The following NEDD9 variants were observed in gnomAD, a reference collection of about 807,000 sequenced individuals.
NEDD9 encodes the protein enhancer of filamentation 1.
NEDD9 carries 26 observed loss-of-function variants against 76.6 expected under a neutral mutation model. The ratio of observed to expected loss-of-function variants is 0.34; its 90% confidence interval spans 0.25 to 0.47. The LOEUF (loss-of-function observed/expected upper bound fraction) is 0.47, where lower values mean the gene tolerates loss of function less well. Ranked by LOEUF, NEDD9 falls within the 20% of genes least tolerant of loss-of-function variation. The pLI, the probability that NEDD9 is intolerant of heterozygous loss-of-function variation, is 1.00. For missense variants in NEDD9, 937 were observed against 1,058.5 expected (o/e 0.89, Z 1.59); for synonymous variants, 392 against 414.2 (o/e 0.95, Z 0.65).
intron 1 of NEDD9, among the ~76,000 whole-genome samples, chr6:11,344,205 T>G (rs1266795118): frequency 6.6e-6 from 1 of 152,204 alleles, no homozygotes; most frequent in Non-Finnish European, 1.5e-5. Context: ...TAAGAATATG[T>G]GATAGACATA....
intron 1 of NEDD9, among the ~76,000 whole-genome samples, chr6:11,372,802 A>G (rs893052350): frequency 2.0e-5 from 3 of 152,176 alleles, no homozygotes; most frequent in Admixed American, 1.3e-4. Context: ...TTTCCTTTTG[A>G]GAAATAAGCC....
chr6:11,338,672 C>T (rs1762212838), intron 1 of NEDD9, among the ~76,000 whole-genome samples: 1 of 151,962 alleles, frequency 6.6e-6, no homozygotes, highest in Admixed American at 6.6e-5. Context: ...ACCTGTAATC[C>T]CAGCACTTTG....
At chr6:11,262,301 G>T (rs1326017851) in intron 3 of NEDD9, among the ~76,000 whole-genome samples, 2 of 152,130 alleles carry the variant, frequency 1.3e-5, no homozygotes, top group Admixed American at 6.5e-5. Flanking sequence ...TTACTTTCTC[G>T]GCAATGTGAA....
intron 3 of NEDD9, among the ~76,000 whole-genome samples, chr6:11,271,103 A>G (rs1293591917): frequency 6.6e-6 from 1 of 152,166 alleles, no homozygotes; most frequent in African/African-American, 2.4e-5. Flanking sequence ...GTGCTATCAT[A>G]GCTCACTCCA....
intron 2 of NEDD9, among the ~76,000 whole-genome samples, chr6:11,326,005 G>A (rs946531659): frequency 5.3e-5 from 8 of 152,136 alleles, no homozygotes; most frequent in African/African-American, 1.9e-4. Flanking sequence ...AATTAGACAG[G>A]TGTCGTGGCA....
intron 2 of NEDD9, among the ~76,000 whole-genome samples, chr6:11,327,728 T>A (rs1292598770): frequency 6.6e-6 from 1 of 152,204 alleles, no homozygotes; most frequent in East Asian, 1.9e-4. Flanking sequence ...AGGGCCTGTG[T>A]GAAGATGTTA....
chr6:11,193,008 A>G (rs532968834), intron 3 of NEDD9, among the ~76,000 whole-genome samples: 16 of 146,232 alleles, frequency 1.1e-4, no homozygotes, highest in African/African-American at 4.0e-4. Flanking sequence ...GTGTAGTTTA[A>G]ATTTTCTACT....
At chr6:11,319,799 C>T (rs1189576836) in intron 2 of NEDD9, among the ~76,000 whole-genome samples, 1 of 151,678 alleles carries the variant, frequency 6.6e-6, no homozygotes, top group Non-Finnish European at 1.5e-5. Context: ...TGCACACTCA[C>T]ACACTGGTGC....
intron 2 of NEDD9, chr6:11,200,980 T>C: frequency 6.2e-7 from 1 of 1,614,096 alleles, no homozygotes; most frequent in Non-Finnish European, 8.5e-7. Context: ...TCAGTGGAGG[T>C]TCACAAGCTG....
At chr6:11,206,599 G>T (rs1478902491) in intron 2 of NEDD9, among the ~76,000 whole-genome samples, 1 of 152,196 alleles carries the variant, frequency 6.6e-6, no homozygotes, top group Non-Finnish European at 1.5e-5. Flanking sequence ...ATTGAAAAAG[G>T]AGGGTTAACC....
At chr6:11,279,049 T>C (rs1252311685) in intron 3 of NEDD9, among the ~76,000 whole-genome samples, 2 of 152,184 alleles carry the variant, frequency 1.3e-5, no homozygotes, top group Non-Finnish European at 2.9e-5. Context: ...TCTGAGCCAG[T>C]TAAAAAATAG....
Position 11,369,125 on chromosome 6 carries a change from C to A in NEDD9, c.-214+13014G>T, listed in dbSNP as rs182387905. On this transcript the variant is annotated intron_variant, in intron 1 of 3. Coordinates refer to the NEDD9 transcript ENST00000397378. ...GGCAGTTGGTTCTCTCTTAAGCACT[C>A]CAACCTTCTTGAATCTGTCCATTTC... 1.3e-4 allele frequency among the ~76,000 whole-genome samples: 20 copies of A among 152,334 alleles called. No individual in the cohort carries two copies. The East Asian group carries it at 3.3e-3, about 25-fold the overall frequency.
intron 3 of NEDD9, among the ~76,000 whole-genome samples, chr6:11,305,571 T>A (rs976309622): frequency 1.2e-4 from 19 of 152,232 alleles, no homozygotes; most frequent in African/African-American, 4.6e-4. Context: ...TCTTGAGGAA[T>A]GGCCGAATGG....
chr6:11,305,972 T>G (rs565520123), intron 3 of NEDD9: 1 of 1,613,778 alleles, frequency 6.2e-7, no homozygotes, highest in South Asian at 1.1e-5. Flanking sequence ...AATTGTCTGT[T>G]TTTTTCTATC....
intron 3 of NEDD9, among the ~76,000 whole-genome samples, chr6:11,265,890 G>A (rs1760191882): frequency 6.6e-6 from 1 of 152,144 alleles, no homozygotes; most frequent in Non-Finnish European, 1.5e-5. Context: ...CAGCAAAATG[G>A]ATGGAACTGA....
At chr6:11,240,040 C>G (rs1759680642) in intron 3 of NEDD9, among the ~76,000 whole-genome samples, 1 of 104,708 alleles carries the variant, frequency 9.6e-6, no homozygotes. Flanking sequence ...GAGACTTCAT[C>G]TCAAAAAAAA....
At position 11,308,745 on chromosome 6, in the gene NEDD9, C is replaced by T. The variant is rs557129980; in HGVS notation, c.-152-2590G>A. Among the ~76,000 whole-genome samples the T allele has an allele frequency of 3.9e-5, 6 of 152,220 alleles. No individual in the cohort carries two copies. The East Asian group carries it at 9.7e-4, about 25-fold the overall frequency. On this transcript the variant is annotated intron_variant, in intron 2 of 3. Transcript: ENST00000397378. The stretch of plus-strand genomic sequence containing the variant: ...TTTAGACCCATAATATGCAGTTCTC[C>T]ATCTGTACTTCTACCTTAAGCCCCA...
At chr6:11,314,294 A>G (rs564758145) in intron 2 of NEDD9, among the ~76,000 whole-genome samples, 1 of 152,228 alleles carries the variant, frequency 6.6e-6, no homozygotes, top group Non-Finnish European at 1.5e-5. Context: ...GTAAGTGCTC[A>G]GTAAAATTTG....
chr6:11,348,286 C>T (rs534104349), intron 1 of NEDD9, among the ~76,000 whole-genome samples: 12 of 152,218 alleles, frequency 7.9e-5, no homozygotes, highest in African/African-American at 2.6e-4. Context: ...AGAGATGACA[C>T]AAACAAATAG....
Sources: gnomAD v4.1 joint callset for allele counts (sites outside exome capture counted in the v4.1 genomes callset) on GRCh38, gnomAD v4.1.1 for gene constraint, MANE v1.5 for transcripts, NCBI Gene and HGNC (gene_info 2026-07-23, HGNC 2026-07-21) for gene names.